FBXO34: variants seen among roughly 807,000 people sequenced by gnomAD.
The protein encoded by FBXO34 is F-box protein 34, also known as F-box only protein 34.
In FBXO34, 12 loss-of-function variants were observed where a neutral mutation model predicts 24.5. That is an observed-to-expected ratio of 0.49 (90% confidence interval 0.31 to 0.79). FBXO34 has a LOEUF of 0.79. Ranked by LOEUF, FBXO34 falls within the 30% of genes least tolerant of loss-of-function variation. FBXO34 has a pLI of 0.04. For missense variants in FBXO34, 823 were observed against 857.7 expected, an observed-to-expected ratio of 0.96 and a Z score of 0.51; for synonymous variants, 320 against 311.9, an observed-to-expected ratio of 1.03 and a Z score of -0.27.
At chr14:55,300,108 T>C (rs1216164536) in intron 1 of FBXO34, among the ~76,000 whole-genome samples, 3 of 151,610 alleles carry the variant, frequency 2.0e-5, no homozygotes, top group African/African-American at 7.3e-5. Context: ...TCTTCAAGTA[T>C]CTAGTATTCA....
At chr14:55,297,968 T>C (rs1882198034) in intron 1 of FBXO34, among the ~76,000 whole-genome samples, 1 of 152,246 alleles carries the variant, frequency 6.6e-6, no homozygotes, top group South Asian at 2.1e-4. Flanking sequence ...AAAGTTTCTT[T>C]ACAAATGGAT....
At chr14:55,365,340 C>G (rs1180966071), downstream of FBXO34, among the ~76,000 whole-genome samples, 1 of 151,766 alleles carries the variant, frequency 6.6e-6, no homozygotes, top group Non-Finnish European at 1.5e-5. Flanking sequence ...GCTGGGATTT[C>G]AGGCATGAAC....
At chr14:55,324,549 A>C (rs1883277282) in intron 1 of FBXO34, among the ~76,000 whole-genome samples, 1 of 151,898 alleles carries the variant, frequency 6.6e-6, no homozygotes, top group African/African-American at 2.4e-5. Context: ...AGACTAAATA[A>C]TTTTTAATTT....
the FBXO34 span, among the ~76,000 whole-genome samples, chr14:55,424,544 T>C: frequency 6.6e-6 from 1 of 152,214 alleles, no homozygotes; most frequent in African/African-American, 2.4e-5. Context: ...TGAGAGCTTG[T>C]TGGTTAAACA....
At chr14:55,380,780 T>C in the FBXO34 span, 1 of 806,782 alleles carries the variant, frequency 1.2e-6, no homozygotes, top group Non-Finnish European at 1.9e-6. Flanking sequence ...GATTTTATCA[T>C]GATAGCACTG....
intron 1 of FBXO34, among the ~76,000 whole-genome samples, chr14:55,273,169 G>C (rs1881214650): frequency 6.6e-6 from 1 of 151,664 alleles, no homozygotes; most frequent in African/African-American, 2.4e-5. Flanking sequence ...ACTTGTAATG[G>C]TACGGTTTTT....
chr14:55,395,337 C>G, the FBXO34 span: 3 of 227,788 alleles, frequency 1.3e-5, no homozygotes, highest in Non-Finnish European at 2.7e-5. Flanking sequence ...CTCCCAAACT[C>G]TTTAATTGTT....
At chr14:55,292,263 A>G (rs893508059) in intron 1 of FBXO34, among the ~76,000 whole-genome samples, 1 of 152,102 alleles carries the variant, frequency 6.6e-6, no homozygotes, top group African/African-American at 2.4e-5. Context: ...AAGTGTCCTT[A>G]ATTATATTTT....
the FBXO34 span, among the ~76,000 whole-genome samples, chr14:55,380,876 T>TATCTATATA: frequency 1.2e-5 from 1 of 84,380 alleles, no homozygotes; most frequent in Non-Finnish European, 2.1e-5. Context: ...TATATATATA[T>TATCTATATA]TTTTTTTTTT....
At chr14:55,415,852 CGA>C in the FBXO34 span, among the ~76,000 whole-genome samples, 1 of 151,910 alleles carries the variant, frequency 6.6e-6, no homozygotes, top group Non-Finnish European at 1.5e-5. Context: ...GGCGACACAG[CGA>C]GACTCTGTCT....
chr14:55,431,972 C>A, the FBXO34 span, among the ~76,000 whole-genome samples: 1 of 151,898 alleles, frequency 6.6e-6, no homozygotes, highest in Non-Finnish European at 1.5e-5. Flanking sequence ...CAAAGCAGGA[C>A]CTGAAAAAGA....
chr14:55,427,979 C>A, the FBXO34 span, among the ~76,000 whole-genome samples: 1 of 148,194 alleles, frequency 6.7e-6, no homozygotes, highest in Non-Finnish European at 1.5e-5. Context: ...GGGTTCACGC[C>A]ATTCTCCTGC....
chr14:55,418,895 C>T, the FBXO34 span, among the ~76,000 whole-genome samples: 1 of 152,160 alleles, frequency 6.6e-6, no homozygotes, highest in African/African-American at 2.4e-5. Flanking sequence ...TGCTTCCTTA[C>T]AACACTTAGG....
chr14:55,407,392 G>A, the FBXO34 span, among the ~76,000 whole-genome samples: 1 of 152,168 alleles, frequency 6.6e-6, no homozygotes, highest in Non-Finnish European at 1.5e-5. Context: ...GCCTCCCAAA[G>A]TGCTGGGATT....
chr14:55,277,427 C>T (rs1389430371), intron 1 of FBXO34, among the ~76,000 whole-genome samples: 1 of 152,148 alleles, frequency 6.6e-6, no homozygotes, highest in Non-Finnish European at 1.5e-5. Context: ...CTCAAGCCGT[C>T]CTCCTTCCTC....
chr14:55,393,227 C>A, the FBXO34 span, among the ~76,000 whole-genome samples: 42 of 149,276 alleles, frequency 2.8e-4, no homozygotes, highest in African/African-American at 9.5e-4. Context: ...TAAAAAAACA[C>A]AAAAAAACTT....
At chr14:55,392,447 A>G in the FBXO34 span, among the ~76,000 whole-genome samples, 9 of 152,118 alleles carry the variant, frequency 5.9e-5, no homozygotes, top group Admixed American at 4.6e-4. Context: ...CAGGAGTTCG[A>G]GGCCAGCCTG....
At chr14:55,372,667 G>A (rs955389306), downstream of FBXO34, among the ~76,000 whole-genome samples, 9 of 148,188 alleles carry the variant, frequency 6.1e-5, no homozygotes, top group African/African-American at 2.0e-4. Context: ...TCCTTCCTTC[G>A]CTCCTCCCTG....
chr14:55,327,873 G>C (rs1387634179), intron 1 of FBXO34, among the ~76,000 whole-genome samples: 1 of 140,294 alleles, frequency 7.1e-6, no homozygotes, highest in East Asian at 2.2e-4. Flanking sequence ...ACAGATCTTA[G>C]CAACCTCGTC....
Sources: gnomAD v4.1 joint callset for allele counts (sites outside exome capture counted in the v4.1 genomes callset) on GRCh38, gnomAD v4.1.1 for gene constraint, MANE v1.5 for transcripts, NCBI Gene and HGNC (gene_info 2026-07-23, HGNC 2026-07-21) for gene names.